Variants in ASB18 observed in about 807,000 individuals in gnomAD.
The protein encoded by ASB18 is ankyrin repeat and SOCS box protein 18.
Under a neutral mutation model 33.4 loss-of-function variants are expected in ASB18, and 33 were observed. The observed-to-expected ratio is 0.99, with a 90% confidence interval of 0.75 to 1.32. The LOEUF (loss-of-function observed/expected upper bound fraction) is 1.32. Ranked by LOEUF, ASB18 falls within the 40% of genes most tolerant of loss-of-function variation. ASB18 has a pLI of 0.00. For missense variants in ASB18, 694 were observed against 655.5 expected (o/e 1.06, Z -0.64); for synonymous variants, 295 against 307.6 (o/e 0.96, Z 0.43).
rs1446521693 is a variant in ASB18, at chr2:236,226,975, A to G, written c.596+10714T>C. On this transcript the variant is annotated intron_variant, in intron 3 of 5. Coordinates refer to ENST00000409749, the MANE Select transcript of ASB18 (RefSeq NM_212556.4). The surrounding 1 kb of genome is among the most constrained non-coding windows in gnomAD (Gnocchi z 4.8). ...ATTTGTCAAAACTAAGAAATTAACA[A>G]TGGTACAAGACTATTAACCAAACTG... Among the ~76,000 whole-genome samples, 1 of 152,218 alleles carries G rather than the reference A, an allele frequency of 6.6e-6. No homozygotes were observed. The highest frequency in any genetic ancestry group is 6.5e-5 in the Admixed American group (1 of 15,276).
rs1004988956 is a variant in ASB18, at chr2:236,262,597, CG to C, written c.205+1543del. Among the ~76,000 whole-genome samples, 2 of 152,144 alleles carry C rather than the reference CG, an allele frequency of 1.3e-5. No homozygotes were observed. Among genetic ancestry groups the C allele is most frequent in the African/African-American group, 4.8e-5 (2 of 41,434 alleles). On this transcript the variant is annotated intron_variant, in intron 1 of 5. Coordinates refer to ENST00000409749, the MANE Select transcript of ASB18 (RefSeq NM_212556.4). This position sits in a 1 kb window ranked among gnomAD's most constrained non-coding sequence, Gnocchi z 5.2. ...TGATGCAGTTTGCAGAGATCAGCCT[CG>C]GGGGGGTGCTTGGGCACGGTGGGCC...
intron 1 of ASB18, among the ~76,000 whole-genome samples, chr2:236,246,897 A>G (rs907600118): frequency 6.6e-6 from 1 of 152,218 alleles, no homozygotes; most frequent in African/African-American, 2.4e-5. Context: ...ATGCACAGCT[A>G]TAATCTGATC....
intron 4 of ASB18, among the ~76,000 whole-genome samples, chr2:236,199,938 CATTTT>C (rs2060392330): frequency 2.0e-5 from 3 of 152,088 alleles, no homozygotes; most frequent in Non-Finnish European, 4.4e-5. Flanking sequence ...GTTATTGGCA[CATTTT>C]ATTTTGATTT....
Position 236,263,409 on chromosome 2 carries a change from C to T in ASB18, c.205+732G>A, listed in dbSNP as rs916430889. Among the ~76,000 whole-genome samples the T allele has an allele frequency of 1.2e-4, 19 of 152,200 alleles. No homozygotes were observed. The highest frequency in any genetic ancestry group is 2.5e-4 in the Non-Finnish European group (17 of 68,040). ...GGCAGTGAAGAATTACCAGTGTGTG[C>T]TTATCAAATGGCAATTTAATACAAA... is the stretch of plus-strand genomic sequence containing the variant. On this transcript the variant is annotated intron_variant, in intron 1 of 5. Coordinates refer to ENST00000409749, the MANE Select transcript of ASB18 (RefSeq NM_212556.4). The surrounding 1 kb of genome is among the most constrained non-coding windows in gnomAD (Gnocchi z 4.0).
rs2060672159 is a variant in ASB18, at chr2:236,252,314, A to G, written c.206-10912T>C. ...ACACACACACACACACACACAGTAG[A>G]AATCCTTGCCTTTAAGGAGTGTTGA... On this transcript the variant is annotated intron_variant, in intron 1 of 5. Transcript: ENST00000409749. The surrounding 1 kb of genome is among the most constrained non-coding windows in gnomAD (Gnocchi z 7.9). Among the ~76,000 whole-genome samples the G allele has an allele frequency of 8.1e-6, 1 of 123,954 alleles. No individual in the cohort carries two copies. The highest frequency in any genetic ancestry group is 1.9e-5 in the Non-Finnish European group (1 of 53,222). 81.3% of individuals were successfully genotyped at this position (123,954 alleles called of 152,430 possible).
At position 236,245,780 on chromosome 2, in the gene ASB18, G is replaced by T. The variant is rs550741703; in HGVS notation, c.206-4378C>A. On this transcript the variant is annotated intron_variant, in intron 1 of 5. Coordinates refer to ENST00000409749, the MANE Select transcript of ASB18 (RefSeq NM_212556.4). This position sits in a 1 kb window ranked among gnomAD's most constrained non-coding sequence, Gnocchi z 4.7. ...CTCTCTGGGAAGTTCTTCATGCCCC[G>T]CATGGTGTTCCACACAGAGAAGGTC... Among the ~76,000 whole-genome samples, 6 of 152,194 alleles carry T rather than the reference G, an allele frequency of 3.9e-5. No homozygotes were observed. The highest frequency in any genetic ancestry group is 7.2e-5 in the African/African-American group (3 of 41,458).
chr2:236,214,462 A>G lies in ASB18; in HGVS notation c.1001T>C (p.Leu334Pro). The G allele has an allele frequency of 6.6e-7, 1 of 1,525,752 alleles. No homozygotes were observed. The highest frequency in any genetic ancestry group is 8.7e-7 in the Non-Finnish European group (1 of 1,143,012). 94.5% of individuals were successfully genotyped at this position (1,525,752 alleles called of 1,614,324 possible). The change falls in exon 4 of 6, where the codon CTC (leucine) becomes CCC (proline). Residue 334 changes from leucine to proline, a missense_variant. Leu to Pro is a moderately conservative substitution (Grantham distance 98). Transcript: ENST00000409749. The surrounding 1 kb of genome is among the most constrained non-coding windows in gnomAD (Gnocchi z 6.5). ...YGGASPLGRV[L>P]QTASCALQAS... ...CTGGAGAGCGCAGGATGCGGTCTGG[A>G]GCACGCGGCCCAGCGGCGAGGCCCC...
In ASB18 at chr2:236,263,397, T is replaced by C. The variant is rs2060729073; in HGVS notation, c.205+744A>G. On this transcript the variant is annotated intron_variant, in intron 1 of 5. Coordinates refer to ENST00000409749, the MANE Select transcript of ASB18 (RefSeq NM_212556.4). This position sits in a 1 kb window ranked among gnomAD's most constrained non-coding sequence, Gnocchi z 4.0. Reference sequence around the variant, plus strand: ...GGATGGGCGACAGGCAGTGAAGAATTACCAGTGTGTGCTTATCAAATGGCA... The same window carrying C: ...GGATGGGCGACAGGCAGTGAAGAATCACCAGTGTGTGCTTATCAAATGGCA... Among the ~76,000 whole-genome samples the C allele has an allele frequency of 6.6e-6, 1 of 152,204 alleles. No individual in the cohort carries two copies. Among genetic ancestry groups the C allele is most frequent in the Admixed American group, 6.5e-5 (1 of 15,284 alleles).
rs1057172319 is a variant in ASB18 at position 236,220,600 on chromosome 2, A to G, written c.597-5734T>C. ...CTATTTATCTTTAGTCCCTGAAACA[A>G]CTTTGCATTGTAGGTGGAATTTACA... On this transcript the variant is annotated intron_variant, in intron 3 of 5. Transcript: ENST00000409749. This position sits in a 1 kb window ranked among gnomAD's most constrained non-coding sequence, Gnocchi z 5.1. Among the ~76,000 whole-genome samples, 29 of 150,760 alleles carry G rather than the reference A, an allele frequency of 1.9e-4. No homozygotes were observed. Among genetic ancestry groups the G allele is most frequent in the African/African-American group, 6.4e-4 (26 of 40,790 alleles).
Position 236,242,857 on chromosome 2 carries a change from C to CAA in ASB18, c.206-1457_206-1456dup, listed in dbSNP as rs58767505. On this transcript the variant is annotated intron_variant, in intron 1 of 5. Transcript: ENST00000409749. ...GATAGCAAGGGTCCCCCCATCTCTA[C>CAA]AAAAAAAAAAAAATTAGCTGGGCAT... Among the ~76,000 whole-genome samples, 1,059 of 128,226 alleles carry CAA rather than the reference C, an allele frequency of 8.3e-3. 18 individuals carry two copies. Among genetic ancestry groups the CAA allele is most frequent in the African/African-American group, 0.027 (970 of 36,214 alleles). The allele number at this position is 128,226 out of a possible 152,430, so 84.1% of individuals were successfully genotyped here. A position where few individuals can be genotyped will look rare whatever the true frequency, so the allele number is the denominator to read the frequency against.
At chr2:236,243,750 T>C (rs1201325749) in intron 1 of ASB18, among the ~76,000 whole-genome samples, 3 of 152,298 alleles carry the variant, frequency 2.0e-5, no homozygotes, top group South Asian at 2.1e-4. Context: ...TACTAAGGTT[T>C]GGTTTGGTTC....
At position 236,238,023 on chromosome 2, in the gene ASB18, C is replaced by A; in HGVS notation, c.329-67G>T. ...GTTGTGGTGGTGGTGGGCGGTGTTC[C>A]TTAAGGCGGAAAGAAAGTGAAGCCG... On this transcript the variant is annotated intron_variant, in intron 2 of 5. Transcript: ENST00000409749. This position sits in a 1 kb window ranked among gnomAD's most constrained non-coding sequence, Gnocchi z 5.2. The A allele has an allele frequency of 7.4e-7, 1 of 1,351,424 alleles. No homozygotes were observed. Among genetic ancestry groups the A allele is most frequent in the Non-Finnish European group, 9.6e-7 (1 of 1,040,160 alleles). The allele number at this position is 1,351,424 out of a possible 1,614,324, so 83.7% of individuals were successfully genotyped here.
At position 236,194,302 on chromosome 2, in the gene ASB18, A is replaced by T. The variant is rs2060360947; in HGVS notation, c.*570T>A. ...CCACCAGCAGGACAACCACCATCAC[A>T]TACTGATTCACCAAAAATTGGGTAA... On this transcript the variant is annotated 3_prime_UTR_variant, in exon 6 of 6. Coordinates refer to ENST00000409749, the MANE Select transcript of ASB18 (RefSeq NM_212556.4). This position sits in a 1 kb window ranked among gnomAD's most constrained non-coding sequence, Gnocchi z 4.5. Among the ~76,000 whole-genome samples the T allele has an allele frequency of 6.6e-6, 1 of 152,216 alleles. No homozygotes were observed. The highest frequency in any genetic ancestry group is 1.5e-5 in the Non-Finnish European group (1 of 68,046).
At position 236,260,444 on chromosome 2, in the gene ASB18, T is replaced by C. The variant is rs1574674998; in HGVS notation, c.205+3697A>G. Among the ~76,000 whole-genome samples the C allele has an allele frequency of 6.6e-6, 1 of 152,250 alleles. No homozygotes were observed. Among genetic ancestry groups the C allele is most frequent in the Non-Finnish European group, 1.5e-5 (1 of 68,052 alleles). ...ATTTCAAGGTCATTGCCATAAGTTT[T>C]GACCACTGTTCAAAAATTGTAAAGA... On this transcript the variant is annotated intron_variant, in intron 1 of 5. Transcript: ENST00000409749. This position sits in a 1 kb window ranked among gnomAD's most constrained non-coding sequence, Gnocchi z 5.1.
chr2:236,246,554 G>T (rs1190500067), intron 1 of ASB18, among the ~76,000 whole-genome samples: 5 of 151,878 alleles, frequency 3.3e-5, no homozygotes, highest in Admixed American at 6.6e-5. Context: ...CCCTGCTGGT[G>T]CATTGGAAAA....
intron 4 of ASB18, among the ~76,000 whole-genome samples, chr2:236,198,515 G>A (rs753911868): frequency 1.3e-5 from 2 of 151,972 alleles, no homozygotes; most frequent in Non-Finnish European, 2.9e-5. Context: ...CTACAGGCAG[G>A]TGCCACCACA....
rs2060608678 is a variant in ASB18 at position 236,238,856 on chromosome 2, C to T, written c.329-900G>A. ...GAATCGATACTGTGGCTGTAATGAG[C>T]CGCAGAGGAGACCCTTTTCACAGGC... is the stretch of plus-strand genomic sequence containing the variant. On this transcript the variant is annotated intron_variant, in intron 2 of 5. Coordinates refer to ENST00000409749, the MANE Select transcript of ASB18 (RefSeq NM_212556.4). This position sits in a 1 kb window ranked among gnomAD's most constrained non-coding sequence, Gnocchi z 5.2. Among the ~76,000 whole-genome samples, 1 of 152,186 alleles carries T rather than the reference C, an allele frequency of 6.6e-6. No homozygotes were observed. The highest frequency in any genetic ancestry group is 1.5e-5 in the Non-Finnish European group (1 of 68,030).
chr2:236,264,214 G>A lies in ASB18; in HGVS notation c.132C>T (p.Asp44=), dbSNP rs201818790. ...DLICTEITPV[D]AVIELANDDW... ...CGTCATTGGCCAGTTCTATCACAGC[G>A]TCCACAGGCGTGATTTCAGTGCAGA... The change falls in exon 1 of 6, where the codon GAC becomes GAT. Residue 44 remains aspartate (D), a synonymous_variant. Coordinates refer to ENST00000409749, the MANE Select transcript of ASB18 (RefSeq NM_212556.4). This position sits in a 1 kb window ranked among gnomAD's most constrained non-coding sequence, Gnocchi z 5.1. 136 of 1,613,898 alleles carry A rather than the reference G, an allele frequency of 8.4e-5. No individual in the cohort carries two copies. The Middle Eastern group carries it at 9.9e-4, about 12-fold the overall frequency.
rs911371832 is a variant in ASB18 at position 236,234,541 on chromosome 2, T to C, written c.596+3148A>G. On this transcript the variant is annotated intron_variant, in intron 3 of 5. Coordinates refer to ENST00000409749, the MANE Select transcript of ASB18 (RefSeq NM_212556.4). This position sits in a 1 kb window ranked among gnomAD's most constrained non-coding sequence, Gnocchi z 4.1. The stretch of plus-strand genomic sequence containing the variant: ...ATATAATAGAGTGGCTCCTCACGTC[T>C]TCACCAGGTGAACCAGTCAGACTTT... Among the ~76,000 whole-genome samples the C allele has an allele frequency of 4.6e-5, 7 of 152,208 alleles. No homozygotes were observed. Among genetic ancestry groups the C allele is most frequent in the Non-Finnish European group, 1.0e-4 (7 of 68,054 alleles).
Sources: gnomAD v4.1 joint callset for allele counts (sites outside exome capture counted in the v4.1 genomes callset) on GRCh38, gnomAD v4.1.1 for gene constraint, Gnocchi (gnomAD v3.1) non-coding constraint, MANE v1.5 for transcripts, NCBI Gene and HGNC (gene_info 2026-07-23, HGNC 2026-07-21) for gene names.